The following CLYBL variants were observed in gnomAD, a reference collection of about 807,000 sequenced individuals.
The protein encoded by CLYBL is citramalyl-CoA lyase, also known as citramalyl-CoA lyase, mitochondrial.
CLYBL carries 31 observed loss-of-function variants against 38.9 expected under a neutral mutation model. The observed-to-expected ratio is 0.80, with a 90% CI of 0.60 to 1.08. The LOEUF is 1.08. Among genes scored for constraint, CLYBL ranks in the 50% least tolerant of loss-of-function variants. CLYBL has a pLI of 0.00. For missense variants in CLYBL, 434 were observed against 411.6 expected (o/e 1.05, Z -0.47); for synonymous variants, 171 against 158.6 (o/e 1.08, Z -0.59).
downstream of CLYBL, among the ~76,000 whole-genome samples, chr13:99,900,308 C>T (rs1445458377): frequency 2.0e-5 from 3 of 152,154 alleles, no homozygotes; most frequent in South Asian, 2.1e-4. Context: ...CCAGAAAGGG[C>T]GGCACACTCC....
intron 6 of CLYBL, among the ~76,000 whole-genome samples, chr13:99,870,460 C>CTTA (rs761947156): frequency 0.029 from 4,469 of 152,142 alleles, no homozygotes; most frequent in Non-Finnish European, 0.045. Context: ...TTTATGAAAA[C>CTTA]CAGCAGACCA....
intron 2 of CLYBL, among the ~76,000 whole-genome samples, chr13:99,813,356 T>C (rs1435473239): frequency 6.6e-6 from 1 of 152,236 alleles, no homozygotes; most frequent in Non-Finnish European, 1.5e-5. Flanking sequence ...CGTCTTCACA[T>C]GTCAGGGGTC....
At chr13:99,858,396 C>T (rs567203450) in intron 2 of CLYBL, among the ~76,000 whole-genome samples, 11 of 152,090 alleles carry the variant, frequency 7.2e-5, no homozygotes, top group Admixed American at 1.3e-4. Context: ...AAAGAAAAAT[C>T]CTTATTTTTT....
In CLYBL at chr13:99,739,095, A is replaced by T. The variant is rs77856652; in HGVS notation, c.63-33729A>T. On this transcript the variant is annotated intron_variant, in intron 1 of 8. Coordinates refer to ENST00000339105, the MANE Select transcript of CLYBL (RefSeq NM_206808.5). The stretch of plus-strand genomic sequence containing the variant: ...CATAGGATCATGTCTGTTTTTAAAA[A>T]TTTATTTAGCTCAAATAAGCAGCCA... 9.0e-4 allele frequency among the ~76,000 whole-genome samples: 137 copies of T among 152,366 alleles called. 2 individuals are homozygous for T. In the East Asian group the frequency reaches 0.023, roughly 26 times the overall value.
chr13:99,900,119 G>C (rs1418699359), downstream of CLYBL, among the ~76,000 whole-genome samples: 3 of 152,006 alleles, frequency 2.0e-5, no homozygotes, highest in Non-Finnish European at 4.4e-5. Flanking sequence ...TAGAGATGGG[G>C]TTTCACCATG....
intron 2 of CLYBL, among the ~76,000 whole-genome samples, chr13:99,832,112 A>G (rs577166161): frequency 1.6e-4 from 25 of 152,322 alleles, no homozygotes; most frequent in African/African-American, 5.8e-4. Context: ...TATTGGATGT[A>G]TTTATTTCCA....
intron 2 of CLYBL, among the ~76,000 whole-genome samples, chr13:99,790,676 G>A (rs1402492789): frequency 6.6e-6 from 1 of 152,150 alleles, no homozygotes; most frequent in Non-Finnish European, 1.5e-5. Flanking sequence ...ATGTTCAGAA[G>A]CATCCAGTAT....
intron 1 of CLYBL, among the ~76,000 whole-genome samples, chr13:99,743,781 T>G (rs2048797736): frequency 6.6e-6 from 1 of 152,210 alleles, no homozygotes; most frequent in Non-Finnish European, 1.5e-5. Flanking sequence ...TTAATTGTAA[T>G]TACAAAATTG....
chr13:99,793,611 C>G (rs1594186777), intron 2 of CLYBL, among the ~76,000 whole-genome samples: 1 of 152,064 alleles, frequency 6.6e-6, no homozygotes, highest in African/African-American at 2.4e-5. Context: ...AATTTTTTCT[C>G]ATTGTTTTAT....
chr13:99,890,983 C>T (rs1257939764), intron 7 of CLYBL, among the ~76,000 whole-genome samples: 1 of 152,120 alleles, frequency 6.6e-6, no homozygotes, highest in Non-Finnish European at 1.5e-5. Flanking sequence ...TAAAGTTCTA[C>T]ATAATATTTC....
In CLYBL at chr13:99,850,702, G is replaced by A. The variant is rs2051310471; in HGVS notation, c.250-8159G>A. Among the ~76,000 whole-genome samples the A allele has an allele frequency of 2.0e-5, 3 of 151,994 alleles. No homozygotes were observed. The South Asian group carries it at 6.2e-4, about 32-fold the overall frequency. On this transcript the variant is annotated intron_variant, in intron 2 of 8. Transcript: ENST00000339105. ...TATACCCAAAAGAATTGAAAAGAGG[G>A]ACTCAAAGAGAAACCCATATGCCAA... is the stretch of plus-strand genomic sequence containing the variant.
At chr13:99,854,937 C>T (rs961333961) in intron 2 of CLYBL, among the ~76,000 whole-genome samples, 1 of 152,122 alleles carries the variant, frequency 6.6e-6, no homozygotes, top group African/African-American at 2.4e-5. Context: ...AGCAGCATGG[C>T]ACGAAATATC....
intron 7 of CLYBL, among the ~76,000 whole-genome samples, chr13:99,876,069 CTTTTTT>C (rs10625169): frequency 1.9e-3 from 206 of 106,656 alleles, no homozygotes; most frequent in Non-Finnish European, 2.4e-3. Context: ...TTCTATTTCA[CTTTTTT>C]TTTTTTTTTT....
chr13:99,800,991 T>C (rs983356568), intron 2 of CLYBL, among the ~76,000 whole-genome samples: 3 of 151,696 alleles, frequency 2.0e-5, no homozygotes, highest in African/African-American at 7.3e-5. Context: ...GAGTCTTTCC[T>C]GAAGAACAAA....
intron 1 of CLYBL, among the ~76,000 whole-genome samples, chr13:99,717,333 G>T (rs2139514912): frequency 6.7e-6 from 1 of 148,190 alleles, no homozygotes; most frequent in South Asian, 2.2e-4. Context: ...GGCTGAGGCA[G>T]GAGAATTGCT....
chr13:99,691,501 A>C (rs1424915309), intron 1 of CLYBL, among the ~76,000 whole-genome samples: 2 of 152,128 alleles, frequency 1.3e-5, no homozygotes, highest in Non-Finnish European at 2.9e-5. Context: ...TTGTATCATG[A>C]AATGGGACCC....
intron 7 of CLYBL, among the ~76,000 whole-genome samples, chr13:99,874,976 CA>C (rs1470156488): frequency 1.3e-5 from 2 of 152,206 alleles, no homozygotes; most frequent in African/African-American, 2.4e-5. Flanking sequence ...TATCTGGCTA[CA>C]AATATGGCTT....
In CLYBL at chr13:99,706,083, C is replaced by T. The variant is rs369855620; in HGVS notation, c.63-66741C>T. On this transcript the variant is annotated intron_variant, in intron 1 of 8. Transcript: ENST00000339105. ...AGTAGCTGGGATTACAGGCTCGTGC[C>T]GTCATGCCCCGCCAATTTTTGTATT... 4.6e-5 allele frequency among the ~76,000 whole-genome samples: 7 copies of T among 152,158 alleles called. 1 individual carries two copies. The South Asian group carries it at 1.5e-3, about 32-fold the overall frequency.
intron 2 of CLYBL, among the ~76,000 whole-genome samples, chr13:99,810,190 G>T (rs2050313118): frequency 6.6e-6 from 1 of 152,236 alleles, no homozygotes; most frequent in African/African-American, 2.4e-5. Context: ...AGTAAGTGTA[G>T]CTCCTCTCCT....
Sources: gnomAD v4.1 joint callset for allele counts (sites outside exome capture counted in the v4.1 genomes callset) on GRCh38, gnomAD v4.1.1 for gene constraint, MANE v1.5 for transcripts, NCBI Gene and HGNC (gene_info 2026-07-23, HGNC 2026-07-21) for gene names.